Variants in SENP6 observed in about 807,000 individuals in gnomAD.
SENP6 encodes the protein sentrin-specific protease 6.
Under a neutral mutation model 134.5 loss-of-function variants are expected in SENP6, and 41 were observed. The observed-to-expected ratio is 0.30, with a 90% CI of 0.24 to 0.40. SENP6 has a LOEUF of 0.40. Among genes scored for constraint, SENP6 ranks in the 10% least tolerant of loss-of-function variants. SENP6 has a pLI of 1.00. For synonymous variants in SENP6, 395 were observed against 429.8 expected, an observed-to-expected ratio of 0.92 and a Z score of 1.00; for missense variants, 1,248 against 1,312.5, an observed-to-expected ratio of 0.95 and a Z score of 0.76.
intron 1 of SENP6, among the ~76,000 whole-genome samples, chr6:75,610,152 A>G (rs1767336323): frequency 6.6e-6 from 1 of 152,174 alleles, no homozygotes; most frequent in South Asian, 2.1e-4. Flanking sequence ...AAGCATAAGT[A>G]TGGACAAAAG....
At chr6:75,697,342 A>G in intron 17 of SENP6, 83 bp from the exon 18 acceptor site, 1 of 965,764 alleles carries the variant, frequency 1.0e-6, no homozygotes, top group Non-Finnish European at 1.5e-6. Flanking sequence ...TTACATCTGA[A>G]TCTTCTTAAT....
intron 7 of SENP6, among the ~76,000 whole-genome samples, chr6:75,649,229 C>T (rs772368297): frequency 7.1e-4 from 108 of 151,970 alleles, no homozygotes; most frequent in Non-Finnish European, 1.3e-3. Context: ...ACACAAGAAT[C>T]GCTTGAACCC....
In SENP6 at chr6:75,717,512, A is replaced by T. The variant is rs1776074037; in HGVS notation, c.*1918A>T. Reference sequence around the variant, plus strand: ...GTAGAATACTCAGCTATTTGATGGCATTTTTCCCACCCCATGTGAAATTTT... The same window carrying T: ...GTAGAATACTCAGCTATTTGATGGCTTTTTTCCCACCCCATGTGAAATTTT... On this transcript the variant is annotated 3_prime_UTR_variant, in exon 24 of 24. Coordinates refer to ENST00000447266, the MANE Select transcript of SENP6 (RefSeq NM_015571.4). 6.6e-6 allele frequency: 1 copy of T among 152,068 alleles called. No homozygotes were observed. Among genetic ancestry groups the T allele is most frequent in the Non-Finnish European group, 1.5e-5 (1 of 67,940 alleles). 9.4% of individuals were successfully genotyped at this position (152,068 alleles called of 1,614,324 possible). A position where few individuals can be genotyped will look rare whatever the true frequency, so the allele number is the denominator to read the frequency against.
At chr6:75,676,093 A>G (rs2149878042) in intron 13 of SENP6, 39 bp downstream of exon 13, 1 of 1,367,502 alleles carries the variant, frequency 7.3e-7, no homozygotes, top group Non-Finnish European at 9.9e-7. Context: ...ATAATAATAG[A>G]TACTGTATTT....
intron 1 of SENP6, among the ~76,000 whole-genome samples, chr6:75,615,889 T>C (rs2149824110): frequency 6.6e-6 from 1 of 152,360 alleles, no homozygotes; most frequent in East Asian, 1.9e-4. Flanking sequence ...GATATAGCAG[T>C]ATTAAAAATC....
intron 18 of SENP6, among the ~76,000 whole-genome samples, chr6:75,698,560 CT>C (rs768822353): frequency 1.3e-5 from 2 of 152,042 alleles, no homozygotes; most frequent in Non-Finnish European, 2.9e-5. Flanking sequence ...GTCTTGAACT[CT>C]TGGCCTCAAG....
chr6:75,652,698 AAAAAAG>A (rs1562008509), intron 7 of SENP6, among the ~76,000 whole-genome samples: 2 of 148,624 alleles, frequency 1.3e-5, no homozygotes, highest in African/African-American at 2.5e-5. Context: ...AAAAAAAAAA[AAAAAAG>A]AAAAAGAAAA....
chr6:75,602,989 G>A (rs1183002866), intron 1 of SENP6, among the ~76,000 whole-genome samples: 1 of 152,150 alleles, frequency 6.6e-6, no homozygotes, highest in Non-Finnish European at 1.5e-5. Flanking sequence ...AGTAGGGAGG[G>A]GACAGACAGT....
chr6:75,642,940 G>T (rs1343419583), intron 6 of SENP6, among the ~76,000 whole-genome samples: 1 of 152,006 alleles, frequency 6.6e-6, no homozygotes, highest in Admixed American at 6.5e-5. Flanking sequence ...TCTTTTTGGT[G>T]GGGGAGGTGG....
At chr6:75,648,857 A>G (rs1011449582) in intron 7 of SENP6, among the ~76,000 whole-genome samples, 13 of 152,152 alleles carry the variant, frequency 8.5e-5, no homozygotes, top group Admixed American at 1.3e-4. Context: ...TCAAGGACAT[A>G]GGGCTAGTAA....
Position 75,709,403 on chromosome 6 carries a change from T to A in SENP6, c.2717-124T>A, listed in dbSNP as rs183954876. On this transcript the variant is annotated intron_variant, in intron 19 of 23. Transcript: ENST00000447266. Reference sequence around the variant, plus strand: ...ACTTTATGTTTGTGATATTACACACTAAGGCAGATTTTGTGTTCTTGACTA... The same window carrying A: ...ACTTTATGTTTGTGATATTACACACAAAGGCAGATTTTGTGTTCTTGACTA... 140 of 589,020 alleles carry A rather than the reference T, an allele frequency of 2.4e-4. 1 individual carries two copies. The highest frequency in any genetic ancestry group is 2.0e-3 in the Middle Eastern group (5 of 2,536). The allele number at this position is 589,020 out of a possible 1,614,324, so 36.5% of individuals were successfully genotyped here.
intron 19 of SENP6, among the ~76,000 whole-genome samples, chr6:75,707,835 A>C: frequency 6.6e-6 from 1 of 151,390 alleles, no homozygotes; most frequent in Admixed American, 6.6e-5. Context: ...GGTGCCCACC[A>C]CTACACCTGG....
intron 9 of SENP6, among the ~76,000 whole-genome samples, chr6:75,666,275 T>TCG (rs1772237165): frequency 6.8e-6 from 1 of 146,800 alleles, no homozygotes; most frequent in Non-Finnish European, 1.5e-5. Context: ...AAAATATATA[T>TCG]TATATATATA....
intron 6 of SENP6, among the ~76,000 whole-genome samples, chr6:75,643,493 A>C (rs1770187735): frequency 6.6e-6 from 1 of 152,208 alleles, no homozygotes; most frequent in African/African-American, 2.4e-5. Context: ...ATAACAAATA[A>C]ATGTAAAGCC....
Position 75,675,761 on chromosome 6 carries a change from T to A in SENP6, c.1427-99T>A, listed in dbSNP as rs1226778906. 7.5e-6 allele frequency: 8 copies of A among 1,070,440 alleles called. No individual in the cohort carries two copies. The South Asian group carries it at 1.1e-4, about 15-fold the overall frequency. 66.3% of individuals were successfully genotyped at this position (1,070,440 alleles called of 1,614,324 possible). A position where few individuals can be genotyped will look rare whatever the true frequency, so the allele number is the denominator to read the frequency against. On this transcript the variant is annotated intron_variant, in intron 12 of 23. Coordinates refer to ENST00000447266, the MANE Select transcript of SENP6 (RefSeq NM_015571.4). ...TGATTTATAGAGCATAATAAATATG[T>A]GCTTACATTTACTTAAACTTGTATT...
chr6:75,660,735 A>G (rs530542974), intron 8 of SENP6, among the ~76,000 whole-genome samples: 13 of 151,710 alleles, frequency 8.6e-5, no homozygotes, highest in Non-Finnish European at 1.8e-4. Context: ...CGGTTCAAGC[A>G]GTTCTTCTGT....
chr6:75,655,570 T>C (rs938371800), intron 7 of SENP6, among the ~76,000 whole-genome samples: 9 of 152,224 alleles, frequency 5.9e-5, no homozygotes, highest in South Asian at 4.1e-4. Context: ...TATACTCTTA[T>C]GTGAGGCTTC....
chr6:75,610,326 A>C (rs573491096), intron 1 of SENP6, among the ~76,000 whole-genome samples: 1 of 152,304 alleles, frequency 6.6e-6, no homozygotes, highest in South Asian at 2.1e-4. Flanking sequence ...TTAATCCACT[A>C]AGTCACAGAC....
intron 16 of SENP6, among the ~76,000 whole-genome samples, chr6:75,684,172 G>C (rs925767650): frequency 6.6e-6 from 1 of 152,170 alleles, no homozygotes; most frequent in African/African-American, 2.4e-5. Context: ...GTGAATGGGA[G>C]TTCACTCATG....
Sources: allele counts gnomAD v4.1 joint callset (sites outside exome capture counted in the v4.1 genomes callset), GRCh38; gene constraint gnomAD v4.1.1; transcripts MANE v1.5; gene names NCBI Gene and HGNC (gene_info 2026-07-23, HGNC 2026-07-21).